ROBO1: variants seen among roughly 807,000 people sequenced by gnomAD.
ROBO1 encodes roundabout homolog 1.
A neutral mutation model predicts 195.9 loss-of-function variants in ROBO1; 149 were observed. The observed-to-expected ratio is 0.76, with a 90% confidence interval of 0.67 to 0.87. ROBO1 has a LOEUF of 0.87. Among genes scored for constraint, ROBO1 ranks in the 40% least tolerant of loss-of-function variants. The pLI is 0.00. For missense variants in ROBO1, 1,933 were observed against 2,068.3 expected (o/e 0.93, Z 1.27); for synonymous variants, 816 against 733.2 (o/e 1.11, Z -1.82).
Position 79,272,420 on chromosome 3 carries a change from C to G in ROBO1, c.89-146881G>C, listed in dbSNP as rs374907184. Among the ~76,000 whole-genome samples the G allele has an allele frequency of 1.1e-3, 173 of 152,112 alleles. 6 individuals are homozygous for G. The South Asian group carries it at 0.034, about 30-fold the overall frequency. ...AGAAACATCACATTGAACAACTATC[C>G]ACACAGAAAAAAACACTTTCCTTAG... On this transcript the variant is annotated intron_variant, in intron 2 of 30. Coordinates refer to ENST00000464233, the MANE Select transcript of ROBO1 (RefSeq NM_002941.4).
At chr3:79,273,478 C>T (rs981411154) in intron 2 of ROBO1, among the ~76,000 whole-genome samples, 1 of 151,932 alleles carries the variant, frequency 6.6e-6, no homozygotes, top group Non-Finnish European at 1.5e-5. Flanking sequence ...TATTTGCAAG[C>T]CTCATGGTAA....
intron 1 of ROBO1, among the ~76,000 whole-genome samples, chr3:79,629,981 T>C (rs1945291168): frequency 6.6e-6 from 1 of 151,778 alleles, no homozygotes; most frequent in Non-Finnish European, 1.5e-5. Flanking sequence ...AGTAATAAAA[T>C]TGAATCAGTA....
chr3:79,062,120 C>A (rs2078929597), intron 3 of ROBO1, among the ~76,000 whole-genome samples: 1 of 151,944 alleles, frequency 6.6e-6, no homozygotes, highest in African/African-American at 2.4e-5. Flanking sequence ...GGGCTAATAT[C>A]CAGAATCTAC....
chr3:79,548,754 A>C (rs1227070300), intron 2 of ROBO1, among the ~76,000 whole-genome samples: 2 of 152,182 alleles, frequency 1.3e-5, no homozygotes, highest in African/African-American at 2.4e-5. Flanking sequence ...GTTGCTCCTG[A>C]GTATGAGTTC....
At chr3:78,800,677 C>T (rs989807029) in intron 4 of ROBO1, among the ~76,000 whole-genome samples, 37 of 152,152 alleles carry the variant, frequency 2.4e-4, no homozygotes, top group Non-Finnish European at 5.3e-4. Flanking sequence ...CTGCCTCAGC[C>T]TCCCAAGTAG....
intron 3 of ROBO1, among the ~76,000 whole-genome samples, chr3:79,100,620 A>C (rs1187362386): frequency 6.6e-6 from 1 of 151,862 alleles, no homozygotes; most frequent in Non-Finnish European, 1.5e-5. Context: ...ACTTTGGGTC[A>C]GAACGCTGAA....
intron 2 of ROBO1, among the ~76,000 whole-genome samples, chr3:79,471,344 C>G (rs1463776680): frequency 1.3e-5 from 2 of 152,046 alleles, no homozygotes; most frequent in Non-Finnish European, 2.9e-5. Context: ...GCAAAGAAAA[C>G]AGTCAACAGT....
At chr3:79,153,624 C>T (rs58945123) in intron 2 of ROBO1, among the ~76,000 whole-genome samples, 4,020 of 151,084 alleles carry the variant, frequency 0.027, 160 homozygotes, top group African/African-American at 0.088. Flanking sequence ...AAATAATAAT[C>T]TGACAAAGTA....
At chr3:78,897,916 T>C (rs140306755) in intron 4 of ROBO1, among the ~76,000 whole-genome samples, 2 of 151,866 alleles carry the variant, frequency 1.3e-5, no homozygotes, top group African/African-American at 2.4e-5. Flanking sequence ...ACAACTTGCA[T>C]AGTGAAAGGT....
At chr3:79,582,191 T>A (rs1209937234) in intron 2 of ROBO1, among the ~76,000 whole-genome samples, 1 of 151,782 alleles carries the variant, frequency 6.6e-6, no homozygotes, top group African/African-American at 2.4e-5. Flanking sequence ...GAATCTAATA[T>A]AATTTATAAT....
At chr3:79,449,793 C>T (rs1575840889) in intron 2 of ROBO1, among the ~76,000 whole-genome samples, 1 of 151,964 alleles carries the variant, frequency 6.6e-6, no homozygotes, top group East Asian at 1.9e-4. Flanking sequence ...TTTATGGTGC[C>T]AATAGATTTA....
intron 3 of ROBO1, among the ~76,000 whole-genome samples, chr3:78,951,701 G>A (rs1229497598): frequency 6.6e-6 from 1 of 151,984 alleles, no homozygotes; most frequent in Non-Finnish European, 1.5e-5. Context: ...CTGCCCAGTT[G>A]GAAGATAAAA....
chr3:79,607,095 G>GCACA (rs35692271), intron 1 of ROBO1, among the ~76,000 whole-genome samples: 34,083 of 139,784 alleles, frequency 0.24, 4,260 homozygotes, highest in African/African-American at 0.3. Context: ...ATTAAAACCT[G>GCACA]CACACACACA....
At position 79,754,654 on chromosome 3, in the gene ROBO1, A is replaced by C. The variant is rs188135073; in HGVS notation, c.-51+13098T>G. Among the ~76,000 whole-genome samples the C allele has an allele frequency of 3.3e-5, 5 of 152,314 alleles. No individual in the cohort carries two copies. The East Asian group carries it at 9.6e-4, about 29-fold the overall frequency. ...GACTTAATGGAGAAGGAATAGGATG[A>C]AATATAAAGTGCCTGGACCGCAGAA... On this transcript the variant is annotated intron_variant, in intron 1 of 30. Coordinates refer to ENST00000464233, the MANE Select transcript of ROBO1 (RefSeq NM_002941.4).
intron 2 of ROBO1, among the ~76,000 whole-genome samples, chr3:79,532,248 C>T (rs66712526): frequency 0.087 from 13,202 of 151,972 alleles, 587 homozygotes; most frequent in East Asian, 0.16. Context: ...TCACTAAGTC[C>T]ACGTAAAGTG....
intron 4 of ROBO1, among the ~76,000 whole-genome samples, chr3:78,885,116 T>A (rs1264252925): frequency 6.6e-6 from 1 of 152,040 alleles, no homozygotes; most frequent in Non-Finnish European, 1.5e-5. Flanking sequence ...GGGACATGGA[T>A]AGAGGGCTAG....
intron 2 of ROBO1, among the ~76,000 whole-genome samples, chr3:79,538,188 G>C (rs939674466): frequency 6.6e-6 from 1 of 152,042 alleles, no homozygotes; most frequent in African/African-American, 2.4e-5. Flanking sequence ...GCTAGCCTTT[G>C]GATTTTGGAT....
intron 1 of ROBO1, among the ~76,000 whole-genome samples, chr3:79,692,525 C>T (rs1947325938): frequency 6.6e-6 from 1 of 151,708 alleles, no homozygotes; most frequent in Non-Finnish European, 1.5e-5. Context: ...TTCAAAGACC[C>T]CATTGTGACT....
At chr3:78,860,326 A>ATATATATATATATAT (rs376853384) in intron 4 of ROBO1, among the ~76,000 whole-genome samples, 33 of 93,502 alleles carry the variant, frequency 3.5e-4, no homozygotes, top group Non-Finnish European at 4.8e-4. Context: ...ATATATATAT[A>ATATATATATATATAT]TTTTTTTTTT....
Sources: allele counts gnomAD v4.1 joint callset (sites outside exome capture counted in the v4.1 genomes callset), GRCh38; gene constraint gnomAD v4.1.1; transcripts MANE v1.5; gene names NCBI Gene and HGNC (gene_info 2026-07-23, HGNC 2026-07-21).